TUSC3: variants seen among roughly 807,000 people sequenced by gnomAD.
TUSC3 encodes the protein tumor suppressor candidate 3, also known as dolichyl-diphosphooligosaccharide--protein glycosyltransferase subunit TUSC3.
In TUSC3, 45 loss-of-function variants were observed where a neutral mutation model predicts 44.8. The observed-to-expected ratio is 1.00, with a 90% CI of 0.79 to 1.29. TUSC3 has a LOEUF of 1.29. Among genes scored for constraint, TUSC3 ranks in the 50% most tolerant of loss-of-function variants. The pLI is 0.00. For synonymous variants in TUSC3, 212 were observed against 152.9 expected (o/e 1.39, Z -2.85); for missense variants, 519 against 437.9 (o/e 1.19, Z -1.65).
chr8:15,719,575 T>C (rs1455457852), intron 6 of TUSC3, among the ~76,000 whole-genome samples: 1 of 151,500 alleles, frequency 6.6e-6, no homozygotes, highest in African/African-American at 2.4e-5. Context: ...GATCATTGCT[T>C]TGTTCACTAT....
intron 1 of TUSC3, among the ~76,000 whole-genome samples, chr8:15,569,020 T>A (rs1205899597): frequency 1.3e-5 from 2 of 152,182 alleles, no homozygotes; most frequent in African/African-American, 4.8e-5. Flanking sequence ...TGATTTACAT[T>A]AGATAGTTTT....
chr8:15,623,840 C>G (rs531178987), intron 2 of TUSC3, among the ~76,000 whole-genome samples: 13 of 152,174 alleles, frequency 8.5e-5, no homozygotes, highest in African/African-American at 2.9e-4. Context: ...CAGTGGTAAC[C>G]TGTTGTAAAA....
chr8:15,636,498 G>A (rs1806082964), intron 2 of TUSC3, among the ~76,000 whole-genome samples: 1 of 152,186 alleles, frequency 6.6e-6, no homozygotes, highest in African/African-American at 2.4e-5. Flanking sequence ...GTTTGTACTT[G>A]GTGGTCTTGT....
rs187231528 is a variant in TUSC3, at chr8:15,627,524, C to T, written c.308+4275C>T. Among the ~76,000 whole-genome samples, 36 of 152,368 alleles carry T rather than the reference C, an allele frequency of 2.4e-4. No homozygotes were observed. The East Asian group carries it at 3.9e-3, about 16-fold the overall frequency. On this transcript the variant is annotated intron_variant, in intron 2 of 10. Transcript: ENST00000503731. ...ACAAAGAGGGCTGGAACATGCCCCT[C>T]GCTTGCCATGTTGTGGATGAAGAGA...
At chr8:15,549,843 G>A (rs1276694624) in intron 1 of TUSC3, among the ~76,000 whole-genome samples, 1 of 151,670 alleles carries the variant, frequency 6.6e-6, no homozygotes, top group East Asian at 2.0e-4. Context: ...TGATGGTGTA[G>A]CAGGACGAGC....
At chr8:15,715,721 T>G (rs1045008941) in intron 6 of TUSC3, among the ~76,000 whole-genome samples, 1 of 152,058 alleles carries the variant, frequency 6.6e-6, no homozygotes, top group Non-Finnish European at 1.5e-5. Flanking sequence ...TTATTTCACA[T>G]TTTTCTAGCG....
At chr8:15,810,692 ATTTC>A in the TUSC3 span, among the ~76,000 whole-genome samples, 1 of 152,108 alleles carries the variant, frequency 6.6e-6, no homozygotes, top group Non-Finnish European at 1.5e-5. Context: ...CCCCAAATAT[ATTTC>A]TTTGACAAAT....
At chr8:15,838,388 A>C in the TUSC3 span, among the ~76,000 whole-genome samples, 73 of 152,294 alleles carry the variant, frequency 4.8e-4, no homozygotes, top group Non-Finnish European at 9.0e-4. Context: ...AGTCATAACT[A>C]TAATGCCAGG....
At chr8:15,446,064 A>T (rs1800093234) in intron 1 of TUSC3, among the ~76,000 whole-genome samples, 1 of 150,370 alleles carries the variant, frequency 6.7e-6, no homozygotes, top group African/African-American at 2.5e-5. Context: ...GTGGTGGGGC[A>T]GAGACGCTCC....
At chr8:15,709,689 T>A (rs10086942) in intron 6 of TUSC3, among the ~76,000 whole-genome samples, 1 of 151,894 alleles carries the variant, frequency 6.6e-6, no homozygotes, top group Non-Finnish European at 1.5e-5. Context: ...TCTCCTTTAG[T>A]CCTTATAGTA....
At chr8:15,692,371 C>CCCTCT (rs1563175839) in intron 6 of TUSC3, among the ~76,000 whole-genome samples, 1 of 18,822 alleles carries the variant, frequency 5.3e-5, no homozygotes, top group Non-Finnish European at 1.0e-4. Flanking sequence ...CCCCCCCCCC[C>CCCTCT]TTTGTTTTTT....
At chr8:15,779,265 G>C in the TUSC3 span, among the ~76,000 whole-genome samples, 3 of 152,182 alleles carry the variant, frequency 2.0e-5, no homozygotes, top group African/African-American at 7.2e-5. Context: ...TTGGGGTCTC[G>C]CTTTGTTGCC....
At chr8:15,784,827 T>C in the TUSC3 span, among the ~76,000 whole-genome samples, 3 of 152,104 alleles carry the variant, frequency 2.0e-5, no homozygotes, top group Non-Finnish European at 4.4e-5. Flanking sequence ...TAAGTTCTGG[T>C]TACCTATTGC....
At chr8:15,850,788 G>T in the TUSC3 span, among the ~76,000 whole-genome samples, 3 of 152,180 alleles carry the variant, frequency 2.0e-5, no homozygotes, top group African/African-American at 7.2e-5. Context: ...CCAAAAAAAT[G>T]AGTGTGCTAT....
chr8:15,564,455 A>G (rs926282356), intron 1 of TUSC3, among the ~76,000 whole-genome samples: 2 of 152,138 alleles, frequency 1.3e-5, no homozygotes, highest in African/African-American at 4.8e-5. Flanking sequence ...TTATTGAAAG[A>G]TACTTAACAT....
At chr8:15,538,664 T>C (rs1328863040), upstream of TUSC3, among the ~76,000 whole-genome samples, 1 of 152,120 alleles carries the variant, frequency 6.6e-6, no homozygotes, top group Non-Finnish European at 1.5e-5. Context: ...TAACTTTATG[T>C]CTATTAACCT....
intron 1 of TUSC3, among the ~76,000 whole-genome samples, chr8:15,596,217 G>A (rs12675368): frequency 0.27 from 41,344 of 152,026 alleles, 6,278 homozygotes; most frequent in Non-Finnish European, 0.34. Context: ...TGAAATGGTT[G>A]TCTTTTTAAA....
intron 4 of TUSC3, 98 bp downstream of exon 4, chr8:15,659,745 T>C (rs559744195): frequency 1.1e-5 from 16 of 1,503,844 alleles, no homozygotes; most frequent in Non-Finnish European, 1.5e-5. Context: ...AATTTCTCTA[T>C]GGTTGTTTCT....
chr8:15,444,327 G>A lies in TUSC3; in HGVS notation n.91+27022G>A, dbSNP rs549433840. On this transcript the variant is annotated intron_variant and non_coding_transcript_variant, in intron 1 of 5. Transcript: ENST00000503191. ...TGATAGGTGTAGGGACTACTGCAATGAGCTTTTGCAGTAGGGGTTACAGAC... is the reference window on the plus strand; with the variant it reads ...TGATAGGTGTAGGGACTACTGCAATAAGCTTTTGCAGTAGGGGTTACAGAC... 2.0e-3 allele frequency among the ~76,000 whole-genome samples: 303 copies of A among 152,246 alleles called. 1 individual carries two copies. Among genetic ancestry groups the A allele is most frequent in the Non-Finnish European group, 3.4e-3 (231 of 68,012 alleles).
Sources: allele counts gnomAD v4.1 joint callset (sites outside exome capture counted in the v4.1 genomes callset), GRCh38; gene constraint gnomAD v4.1.1; transcripts MANE v1.5; gene names NCBI Gene and HGNC (gene_info 2026-07-23, HGNC 2026-07-21).